PRDM16: variants seen among roughly 807,000 people sequenced by gnomAD.
PRDM16 encodes the protein histone-lysine N-methyltransferase PRDM16.
A neutral mutation model predicts 110.6 loss-of-function variants in PRDM16; 23 were observed. The observed-to-expected ratio is 0.21, with a 90% CI of 0.15 to 0.29. The LOEUF is 0.29. Among genes scored for constraint, PRDM16 ranks in the 10% least tolerant of loss-of-function variants. PRDM16 has a pLI of 1.00. For missense variants in PRDM16, 1,615 were observed against 1,794.3 expected, an observed-to-expected ratio of 0.90 and a Z score of 1.81; for synonymous variants, 799 against 781.8, an observed-to-expected ratio of 1.02 and a Z score of -0.37.
intron 14 of PRDM16, among the ~76,000 whole-genome samples, chr1:3,428,452 C>T (rs996133812): frequency 6.6e-6 from 1 of 152,234 alleles, no homozygotes; most frequent in African/African-American, 2.4e-5. Context: ...GGGAGGCTCT[C>T]CACACCTCAG....
intron 3 of PRDM16, among the ~76,000 whole-genome samples, chr1:3,258,179 G>A (rs1490963455): frequency 6.6e-6 from 1 of 152,194 alleles, no homozygotes; most frequent in Non-Finnish European, 1.5e-5. Context: ...CTGCTGCACT[G>A]AGATGCCCGT....
chr1:3,279,530 G>A (rs567057079), intron 3 of PRDM16, among the ~76,000 whole-genome samples: 77 of 152,342 alleles, frequency 5.1e-4, no homozygotes, highest in African/African-American at 1.8e-3. Context: ...GAGCTGCCTC[G>A]GCCGGAGACC....
chr1:3,371,916 A>G (rs111393917), intron 3 of PRDM16, among the ~76,000 whole-genome samples: 5 of 152,358 alleles, frequency 3.3e-5, no homozygotes, highest in African/African-American at 1.2e-4. Context: ...TGAGCATCCA[A>G]TGACTCAGTG....
intron 3 of PRDM16, among the ~76,000 whole-genome samples, chr1:3,340,416 C>T (rs1319058650): frequency 6.6e-6 from 1 of 152,212 alleles, no homozygotes. Flanking sequence ...TGCTGCAAAA[C>T]GCCATAAATA....
At chr1:3,192,972 G>A (rs1638351661) in intron 2 of PRDM16, among the ~76,000 whole-genome samples, 2 of 152,204 alleles carry the variant, frequency 1.3e-5, no homozygotes, top group Non-Finnish European at 2.9e-5. Context: ...GGTGATTCAT[G>A]TGCACAGCTG....
chr1:3,329,758 C>T (rs1395847775), intron 3 of PRDM16, among the ~76,000 whole-genome samples: 1 of 152,228 alleles, frequency 6.6e-6, no homozygotes, highest in African/African-American at 2.4e-5. Context: ...GCACCCCAGG[C>T]CGTGCGGCTT....
At chr1:3,276,513 C>A (rs1640585915) in intron 3 of PRDM16, among the ~76,000 whole-genome samples, 1 of 152,238 alleles carries the variant, frequency 6.6e-6, no homozygotes, top group African/African-American at 2.4e-5. Context: ...GGCCAGCGAC[C>A]CGGACCCGCC....
At chr1:3,162,739 C>G (rs538408796) in intron 1 of PRDM16, among the ~76,000 whole-genome samples, 4 of 152,360 alleles carry the variant, frequency 2.6e-5, no homozygotes, top group African/African-American at 7.2e-5. Flanking sequence ...ACCCTCCAGT[C>G]CTCCTGTGTG....
chr1:3,268,411 G>C (rs578173388), intron 3 of PRDM16, among the ~76,000 whole-genome samples: 6 of 152,362 alleles, frequency 3.9e-5, no homozygotes, highest in Non-Finnish European at 8.8e-5. Context: ...TAATTAACGT[G>C]TGCACTTCGC....
Position 3,432,158 on chromosome 1 carries a change from C to G in PRDM16, c.3696+18C>G. ...AGAACCAGGTAGGTACCCGCCAGAG[C>G]CCCTCCCCCACCCCACCTGGCCTCC... On this transcript the variant is annotated intron_variant, in intron 16 of 16. Transcript: ENST00000270722. 1 of 1,607,318 alleles carries G rather than the reference C, an allele frequency of 6.2e-7. No homozygotes were observed. Among genetic ancestry groups the G allele is most frequent in the Non-Finnish European group, 8.5e-7 (1 of 1,175,750 alleles).
intron 1 of PRDM16, among the ~76,000 whole-genome samples, chr1:3,118,120 CGTGTGT>C (rs201133674): frequency 5.5e-5 from 8 of 146,012 alleles, no homozygotes; most frequent in African/African-American, 1.8e-4. Flanking sequence ...TGTGCGTGTG[CGTGTGT>C]GCGTGTGTAC....
Position 3,417,814 on chromosome 1 carries a change from T to C in PRDM16, c.2692-14T>C, listed in dbSNP as rs766711528. The C allele has an allele frequency of 6.2e-7, 1 of 1,613,066 alleles. No individual in the cohort carries two copies. Among genetic ancestry groups the C allele is most frequent in the South Asian group, 1.1e-5 (1 of 91,050 alleles). On this transcript the variant is annotated splice_polypyrimidine_tract_variant and intron_variant, in intron 10 of 16. Transcript: ENST00000270722. ...GTCAGCTGAGTCCATAACCTCCCAC[T>C]CTTATGCCTACAGATGTCAGCCATA...
chr1:3,313,645 C>T (rs1414877320), intron 3 of PRDM16, among the ~76,000 whole-genome samples: 2 of 152,274 alleles, frequency 1.3e-5, no homozygotes, highest in Admixed American at 6.5e-5. Flanking sequence ...CCCCGCTCCA[C>T]TCACCCCGCC....
rs1005602851 is a variant in PRDM16 at position 3,370,657 on chromosome 1, G to C, written c.439-14495G>C. On this transcript the variant is annotated intron_variant, in intron 3 of 16. Coordinates refer to ENST00000270722, the MANE Select transcript of PRDM16 (RefSeq NM_022114.4). The surrounding 1 kb of genome is among the most constrained non-coding windows in gnomAD (Gnocchi z 4.8). Reference sequence around the variant, plus strand: ...CCTCACCCTGATGTGAGGGACCAGGGCAGGCTTCCCAGGAGAGGTGTCCTG... The same window carrying C: ...CCTCACCCTGATGTGAGGGACCAGGCCAGGCTTCCCAGGAGAGGTGTCCTG... Among the ~76,000 whole-genome samples the C allele has an allele frequency of 6.6e-6, 1 of 152,144 alleles. No homozygotes were observed. The highest frequency in any genetic ancestry group is 2.1e-4 in the South Asian group (1 of 4,830).
chr1:3,162,874 T>C (rs1643911852), intron 1 of PRDM16, among the ~76,000 whole-genome samples: 1 of 147,268 alleles, frequency 6.8e-6, no homozygotes, highest in African/African-American at 2.7e-5. Context: ...TAGAGGGCTT[T>C]GGGAGAGGGG....
chr1:3,411,734 G>T lies in PRDM16; in HGVS notation c.1537G>T (p.Gly513Cys). ...TCCCACGTTCCCCGCACTCACCCCCGGCTTCCCGGGCATCTTCCCTCCATC... is the reference window on the plus strand; with the variant it reads ...TCCCACGTTCCCCGCACTCACCCCCTGCTTCCCGGGCATCTTCCCTCCATC... ...APPTFPALTP[G>C]FPGIFPPSLY... Residue 513 changes from glycine to cysteine, a missense_variant, in exon 9 of 17, where the codon GGC becomes TGC. Transcript: ENST00000270722. 1.2e-6 allele frequency: 2 copies of T among 1,611,404 alleles called. No individual in the cohort carries two copies. The highest frequency in any genetic ancestry group is 2.2e-5 in the East Asian group (1 of 44,832).
rs1212356359 is a variant in PRDM16, at chr1:3,096,737, T to C, written c.37+27441T>C. On this transcript the variant is annotated intron_variant, in intron 1 of 16. Coordinates refer to ENST00000270722, the MANE Select transcript of PRDM16 (RefSeq NM_022114.4). The stretch of plus-strand genomic sequence containing the variant: ...TTCCGGAGCAGGGGTGGATGGTGAG[T>C]GGGCCCTCTCCCTACGAGAGCCGAG... Among the ~76,000 whole-genome samples, 5 of 152,100 alleles carry C rather than the reference T, an allele frequency of 3.3e-5. No individual in the cohort carries two copies. In the East Asian group the frequency reaches 9.7e-4, roughly 30 times the overall value.
At position 3,117,606 on chromosome 1, in the gene PRDM16, C is replaced by T. The variant is rs1407346047; in HGVS notation, c.37+48310C>T. Among the ~76,000 whole-genome samples, 4 of 152,186 alleles carry T rather than the reference C, an allele frequency of 2.6e-5. No individual in the cohort carries two copies. In the East Asian group the frequency reaches 5.8e-4, roughly 22 times the overall value. On this transcript the variant is annotated intron_variant, in intron 1 of 16. Transcript: ENST00000270722. ...CCAAGTTGTCCAGAGCAGAAAAGGA[C>T]TCTGCCTCCCCAGGGCCCATCTCCA... is the stretch of plus-strand genomic sequence containing the variant.
chr1:3,327,893 T>C (rs1641953487), intron 3 of PRDM16, among the ~76,000 whole-genome samples: 1 of 152,188 alleles, frequency 6.6e-6, no homozygotes, highest in South Asian at 2.1e-4. Context: ...ATTCCACAGA[T>C]GGGGTTCAGC....
Sources: gnomAD v4.1 joint callset for allele counts (sites outside exome capture counted in the v4.1 genomes callset) on GRCh38, gnomAD v4.1.1 for gene constraint, Gnocchi (gnomAD v3.1) non-coding constraint, MANE v1.5 for transcripts, NCBI Gene and HGNC (gene_info 2026-07-23, HGNC 2026-07-21) for gene names.